ROBO1: variants seen among roughly 807,000 people sequenced by gnomAD.
ROBO1 encodes roundabout guidance receptor 1.
In ROBO1, 149 loss-of-function variants were observed where a neutral mutation model predicts 195.9. That is an observed-to-expected ratio of 0.76 (90% confidence interval 0.67 to 0.87). ROBO1 has a LOEUF of 0.87. ROBO1 is among the 40% of genes least tolerant of loss of function. The pLI, the probability that ROBO1 is intolerant of heterozygous loss-of-function variation, is 0.00. For synonymous variants in ROBO1, 816 were observed against 733.2 expected (o/e 1.11, Z -1.82); for missense variants, 1,933 against 2,068.3 (o/e 0.93, Z 1.27).
chr3:78,802,188 A>C (rs1348833003), intron 4 of ROBO1, among the ~76,000 whole-genome samples: 1 of 152,166 alleles, frequency 6.6e-6, no homozygotes, highest in African/African-American at 2.4e-5. Context: ...GCTGAATTTA[A>C]AAGACTTTCT....
chr3:78,841,513 C>G (rs564287107), intron 4 of ROBO1, among the ~76,000 whole-genome samples: 1 of 152,146 alleles, frequency 6.6e-6, no homozygotes, highest in Admixed American at 6.6e-5. Flanking sequence ...TGACAATTGA[C>G]TCGACCCAGT....
intron 2 of ROBO1, among the ~76,000 whole-genome samples, chr3:79,335,605 C>T (rs1020292401): frequency 6.6e-6 from 1 of 152,144 alleles, no homozygotes; most frequent in Non-Finnish European, 1.5e-5. Context: ...GCCTCCCCAG[C>T]CATGTGGAAC....
chr3:79,004,364 T>G (rs2077573732), intron 3 of ROBO1, among the ~76,000 whole-genome samples: 1 of 152,196 alleles, frequency 6.6e-6, no homozygotes, highest in Non-Finnish European at 1.5e-5. Context: ...AAGAAATTCA[T>G]ACTCCAATTT....
chr3:78,699,318 G>A, intron 8 of ROBO1, among the ~76,000 whole-genome samples: 1 of 150,638 alleles, frequency 6.6e-6, no homozygotes, highest in South Asian at 2.1e-4. Flanking sequence ...GGAGGCTGAG[G>A]CAGGTGGATC....
At chr3:79,668,394 T>C (rs1576204051) in intron 1 of ROBO1, among the ~76,000 whole-genome samples, 2 of 138,952 alleles carry the variant, frequency 1.4e-5, no homozygotes, top group East Asian at 4.2e-4. Context: ...TTAAGTTTCT[T>C]GACTAGATTA....
chr3:78,931,150 T>G (rs1297485099), intron 4 of ROBO1, among the ~76,000 whole-genome samples: 2 of 152,056 alleles, frequency 1.3e-5, no homozygotes, highest in Non-Finnish European at 2.9e-5. Flanking sequence ...AAAAATCACT[T>G]TTTTTTGGAC....
intron 22 of ROBO1, among the ~76,000 whole-genome samples, chr3:78,637,997 G>C (rs931798534): frequency 6.9e-6 from 1 of 144,280 alleles, no homozygotes. Flanking sequence ...GGGGGGGAGG[G>C]GTTGTTTGGT....
chr3:78,925,105 C>T (rs2039138582), intron 4 of ROBO1, among the ~76,000 whole-genome samples: 1 of 151,978 alleles, frequency 6.6e-6, no homozygotes, highest in East Asian at 1.9e-4. Flanking sequence ...TAAACTTTTA[C>T]ACTATACATT....
chr3:79,037,550 T>G (rs1349860605), intron 3 of ROBO1, among the ~76,000 whole-genome samples: 2 of 152,202 alleles, frequency 1.3e-5, no homozygotes, highest in Non-Finnish European at 2.9e-5. Context: ...TAAAACTTGT[T>G]GCAGAATTTC....
chr3:78,710,194 C>T (rs1379747233), intron 8 of ROBO1, among the ~76,000 whole-genome samples: 2 of 152,118 alleles, frequency 1.3e-5, no homozygotes, highest in East Asian at 3.9e-4. Context: ...CTCAGCCCCC[C>T]ATGTCGCTGG....
intron 3 of ROBO1, among the ~76,000 whole-genome samples, chr3:79,098,025 A>C (rs1465239936): frequency 6.6e-6 from 1 of 151,800 alleles, no homozygotes; most frequent in Non-Finnish European, 1.5e-5. Flanking sequence ...GTATACTTAT[A>C]AGAGTTACTC....
intron 2 of ROBO1, among the ~76,000 whole-genome samples, chr3:79,509,881 G>T (rs1182035559): frequency 6.6e-6 from 1 of 151,928 alleles, no homozygotes. Flanking sequence ...GATTTCCATT[G>T]TCAGGCGTAC....
chr3:79,612,307 A>G (rs1382196210), intron 1 of ROBO1, among the ~76,000 whole-genome samples: 13 of 146,778 alleles, frequency 8.9e-5, no homozygotes, highest in African/African-American at 3.3e-4. Context: ...GCGATAGTTT[A>G]CTGAGAATGA....
chr3:79,457,095 T>C lies in ROBO1; in HGVS notation c.88+132729A>G, dbSNP rs149613207. ...ATAAACTCACAGACTCCAAAACGAA[T>C]GATGAATTTTACTTTGGAAGAATCA... On this transcript the variant is annotated intron_variant, in intron 2 of 30. Transcript: ENST00000464233. Among the ~76,000 whole-genome samples the C allele has an allele frequency of 2.0e-5, 3 of 152,286 alleles. No individual in the cohort carries two copies. The East Asian group carries it at 5.8e-4, about 29-fold the overall frequency.
chr3:79,647,998 C>T (rs1482411881), intron 1 of ROBO1, among the ~76,000 whole-genome samples: 1 of 151,976 alleles, frequency 6.6e-6, no homozygotes, highest in Non-Finnish European at 1.5e-5. Context: ...GAACTTAACT[C>T]TTGTTTTTAA....
intron 1 of ROBO1, among the ~76,000 whole-genome samples, chr3:79,636,283 T>C (rs950145476): frequency 6.6e-6 from 1 of 152,136 alleles, no homozygotes; most frequent in Non-Finnish European, 1.5e-5. Context: ...ATTCAACAAA[T>C]ACAAGTCACA....
At chr3:79,142,258 G>A (rs2080543564) in intron 2 of ROBO1, among the ~76,000 whole-genome samples, 1 of 152,066 alleles carries the variant, frequency 6.6e-6, no homozygotes, top group Non-Finnish European at 1.5e-5. Flanking sequence ...TGATAGTGGG[G>A]ACAGTTTATA....
chr3:79,516,744 G>T (rs1055850045), intron 2 of ROBO1, among the ~76,000 whole-genome samples: 10 of 152,066 alleles, frequency 6.6e-5, no homozygotes, highest in Non-Finnish European at 1.5e-5. Context: ...CCTATTGATG[G>T]ATATGCCAGT....
At chr3:78,644,415 C>A (rs1471959698) in intron 21 of ROBO1, among the ~76,000 whole-genome samples, 1 of 152,064 alleles carries the variant, frequency 6.6e-6, no homozygotes, top group Non-Finnish European at 1.5e-5. Context: ...CAATATATTG[C>A]ATGAATAAAT....
Sources: allele counts gnomAD v4.1 joint callset (sites outside exome capture counted in the v4.1 genomes callset), GRCh38; gene constraint gnomAD v4.1.1; transcripts MANE v1.5; gene names NCBI Gene and HGNC (gene_info 2026-07-23, HGNC 2026-07-21).